The following XPOT variants were observed in gnomAD, a reference collection of about 807,000 sequenced individuals.
XPOT encodes the protein exportin for tRNA.
XPOT carries 34 observed loss-of-function variants against 128.2 expected under a neutral mutation model. The observed-to-expected ratio is 0.27, with a 90% CI of 0.20 to 0.35. The LOEUF (loss-of-function observed/expected upper bound fraction) is 0.35. Among genes scored for constraint, XPOT ranks in the 10% least tolerant of loss-of-function variants. The pLI, the probability that XPOT is intolerant of heterozygous loss-of-function variation, is 1.00. For synonymous variants in XPOT, 348 were observed against 394.3 expected (o/e 0.88, Z 1.39); for missense variants, 838 against 1,125.3 (o/e 0.74, Z 3.65).
At position 64,420,211 on chromosome 12, in the gene XPOT, G is replaced by T; in HGVS notation, c.631G>T (p.Ala211Ser). The T allele has an allele frequency of 6.2e-7, 1 of 1,609,258 alleles. No homozygotes were observed. Among genetic ancestry groups the T allele is most frequent in the East Asian group, 2.2e-5 (1 of 44,818 alleles). ...VTCQCLEVVG[A>S]YVSWIDLSLI... ...GTGTCAGTGCCTTGAAGTAGTTGGGGCTTATGTCTCTTGGATAGACTTATC... is the reference window on the plus strand; with the variant it reads ...GTGTCAGTGCCTTGAAGTAGTTGGGTCTTATGTCTCTTGGATAGACTTATC... The change falls in exon 7 of 25, where the codon GCT (alanine) becomes TCT (serine). Residue 211 changes from alanine (A) to serine (S), a missense_variant. This residue lies in a region of XPOT where 761 missense variants were observed against 988.3 expected (regional missense o/e 0.77). Coordinates refer to ENST00000332707, the MANE Select transcript of XPOT (RefSeq NM_007235.6).
chr12:64,426,335 A>T (rs2040192513), intron 15 of XPOT, among the ~76,000 whole-genome samples: 1 of 151,752 alleles, frequency 6.6e-6, no homozygotes, highest in South Asian at 2.1e-4. Flanking sequence ...TGTAGTACAC[A>T]TACATCATGA....
intron 23 of XPOT, among the ~76,000 whole-genome samples, chr12:64,441,978 C>T (rs1487612844): frequency 6.6e-6 from 1 of 152,056 alleles, no homozygotes; most frequent in Non-Finnish European, 1.5e-5. Context: ...CTTGCCTGGC[C>T]ATTAAGAAGC....
intron 24 of XPOT, among the ~76,000 whole-genome samples, chr12:64,445,875 G>A (rs2136041940): frequency 6.6e-6 from 1 of 152,326 alleles, no homozygotes; most frequent in South Asian, 2.1e-4. Context: ...AGGTAACTTA[G>A]TGTATCACCT....
rs780648531 is a variant in XPOT at position 64,418,939 on chromosome 12, C to G, written c.334C>G (p.Leu112Val). ...TAAAGCCGCCCAAGTCTTCGCCTTG[C>G]TTTTTGTTACAGAGTATCTCACTAA... is the stretch of plus-strand genomic sequence containing the variant. Reference protein sequence around the residue: ...RNKAAQVFALLFVTEYLTKWP... With the variant: ...RNKAAQVFALVFVTEYLTKWP... Residue 112 changes from leucine to valine, a missense_variant, in exon 6 of 25, where the codon CTT (leucine) becomes GTT (valine). Transcript: ENST00000332707. 8 of 1,613,910 alleles carry G rather than the reference C, an allele frequency of 5.0e-6. No individual in the cohort carries two copies. In the Admixed American group the frequency reaches 1.3e-4, roughly 27 times the overall value.
chr12:64,435,443 T>C (rs1157938633), intron 21 of XPOT, among the ~76,000 whole-genome samples, 184 bp from the exon 22 acceptor site: 1 of 152,254 alleles, frequency 6.6e-6, no homozygotes, highest in Non-Finnish European at 1.5e-5. Flanking sequence ...TTTCTTTTTT[T>C]ACTTCAACCC....
chr12:64,406,275 C>A (rs558554211), intron 1 of XPOT, among the ~76,000 whole-genome samples: 11 of 151,988 alleles, frequency 7.2e-5, no homozygotes, highest in African/African-American at 2.4e-4. Flanking sequence ...GGCGTTTCAC[C>A]GTGTTGGTCA....
At chr12:64,420,671 G>A (rs978981509) in intron 8 of XPOT, 150 bp downstream of exon 8, 2 of 596,464 alleles carry the variant, frequency 3.4e-6, no homozygotes, top group Non-Finnish European at 5.6e-6. Context: ...TAGCCAAAAT[G>A]TTCTCAGTAG....
intron 15 of XPOT, among the ~76,000 whole-genome samples, chr12:64,426,298 C>CAAAAAAA (rs144538945): frequency 2.4e-5 from 3 of 123,630 alleles, no homozygotes; most frequent in Admixed American, 8.4e-5. Context: ...GACTCAGTCT[C>CAAAAAAA]AAAAAAAAAA....
intron 21 of XPOT, among the ~76,000 whole-genome samples, 200 bp from the exon 22 acceptor site, chr12:64,435,427 G>GT (rs1479340531): frequency 1.6e-4 from 24 of 151,724 alleles, no homozygotes; most frequent in Admixed American, 1.1e-3. Context: ...GTATTTTTCT[G>GT]TTTTTTTTCT....
At chr12:64,413,085 A>G (rs200970420) in intron 2 of XPOT, among the ~76,000 whole-genome samples, 229 of 152,230 alleles carry the variant, frequency 1.5e-3, no homozygotes, top group Non-Finnish European at 2.7e-3. Flanking sequence ...GGTTAGGGTA[A>G]AAGTTTCAAC....
At chr12:64,444,112 C>A (rs1219872784) in intron 23 of XPOT, among the ~76,000 whole-genome samples, 1 of 152,014 alleles carries the variant, frequency 6.6e-6, no homozygotes, top group Admixed American at 6.5e-5. Flanking sequence ...TTTTCATATG[C>A]CTTATGTCTG....
rs757217060 is a variant in XPOT, at chr12:64,434,637, A to C, written c.2569+14A>C. The C allele has an allele frequency of 3.8e-6, 6 of 1,598,422 alleles. No homozygotes were observed. The highest frequency in any genetic ancestry group is 1.7e-6 in the Non-Finnish European group (2 of 1,165,908). On this transcript the variant is annotated intron_variant, in intron 20 of 24. Transcript: ENST00000332707. ...TAGAACTCTGGGGTAAGATAATTTTATTTCTTAACCTTCATTTCCCAAACT... is the reference window on the plus strand; with the variant it reads ...TAGAACTCTGGGGTAAGATAATTTTCTTTCTTAACCTTCATTTCCCAAACT...
chr12:64,440,806 T>C, intron 23 of XPOT, among the ~76,000 whole-genome samples: 1 of 152,338 alleles, frequency 6.6e-6, no homozygotes, highest in East Asian at 1.9e-4. Flanking sequence ...TATTAAGTTT[T>C]TTGCTATTGA....
intron 8 of XPOT, 112 bp from the exon 9 acceptor site, chr12:64,421,123 G>A (rs567363059): frequency 2.7e-5 from 23 of 839,100 alleles, no homozygotes; most frequent in Admixed American, 8.4e-5. Context: ...AATATATGAC[G>A]TCATTTTAAA....
chr12:64,440,256 C>T (rs1316433002), intron 23 of XPOT, among the ~76,000 whole-genome samples: 1 of 152,202 alleles, frequency 6.6e-6, no homozygotes, highest in Non-Finnish European at 1.5e-5. Context: ...CTGTTTCACA[C>T]AATGTCCTTT....
chr12:64,408,660 G>C (rs933938355), intron 1 of XPOT, among the ~76,000 whole-genome samples: 1 of 144,302 alleles, frequency 6.9e-6, no homozygotes, highest in East Asian at 2.1e-4. Flanking sequence ...TAAGTCATTT[G>C]TGGATTTTTT....
intron 23 of XPOT, among the ~76,000 whole-genome samples, chr12:64,443,862 C>A (rs1047302054): frequency 6.6e-6 from 1 of 152,142 alleles, no homozygotes; most frequent in Non-Finnish European, 1.5e-5. Flanking sequence ...TTTGTGATCT[C>A]TTATTTCACA....
chr12:64,430,410 T>C (rs549730196), intron 17 of XPOT, 123 bp downstream of exon 17: 3 of 833,050 alleles, frequency 3.6e-6, no homozygotes, highest in East Asian at 5.3e-5. Flanking sequence ...TCTAAATCTT[T>C]GTCCTCCAAA....
intron 23 of XPOT, among the ~76,000 whole-genome samples, chr12:64,444,712 A>G (rs1261714564): frequency 6.6e-6 from 1 of 152,190 alleles, no homozygotes; most frequent in Non-Finnish European, 1.5e-5. Context: ...CAAAAGTTCT[A>G]GAAACCTGTT....
Sources: allele counts gnomAD v4.1 joint callset (sites outside exome capture counted in the v4.1 genomes callset), GRCh38; gene constraint gnomAD v4.1.1; regional missense constraint gnomAD v4.1.1; transcripts MANE v1.5; gene names NCBI Gene and HGNC (gene_info 2026-07-23, HGNC 2026-07-21).